LHX4: variants seen among roughly 807,000 people sequenced by gnomAD.
LHX4 encodes LIM/homeobox protein Lhx4.
A neutral mutation model predicts 39.2 loss-of-function variants in LHX4; 16 were observed. That is an observed-to-expected ratio of 0.41 (90% CI 0.28 to 0.62). The LOEUF is 0.62. Ranked by LOEUF, LHX4 falls within the 20% of genes least tolerant of loss-of-function variation. The pLI is 0.33. For missense variants in LHX4, 439 were observed against 511.9 expected (o/e 0.86, Z 1.37); for synonymous variants, 206 against 198.1 (o/e 1.04, Z -0.33).
At chr1:180,249,686 G>T (rs112286730) in intron 2 of LHX4, among the ~76,000 whole-genome samples, 7 of 152,328 alleles carry the variant, frequency 4.6e-5, no homozygotes, top group African/African-American at 1.4e-4. Flanking sequence ...TCTTCCCAAA[G>T]GTTTCACTAT....
Position 180,230,721 on chromosome 1 carries a change from C to A in LHX4, c.76+116C>A. On this transcript the variant is annotated intron_variant, in intron 1 of 5. Transcript: ENST00000263726. This position sits in a 1 kb window ranked among gnomAD's most constrained non-coding sequence, Gnocchi z 5.8. ...CCGGGAGGGGCTGGCGGCCGGGGCG[C>A]AGAGGCGGTCACAGGGCAGGGGCAC... The A allele has an allele frequency of 2.1e-6, 2 of 953,062 alleles. No individual in the cohort carries two copies. Among genetic ancestry groups the A allele is most frequent in the Non-Finnish European group, 3.3e-6 (2 of 603,584 alleles). The allele number at this position is 953,062 out of a possible 1,614,324, so 59.0% of individuals were successfully genotyped here.
In LHX4 at chr1:180,230,317, A is replaced by C. The variant is rs1664145881; in HGVS notation, c.-213A>C. On this transcript the variant is annotated 5_prime_UTR_variant, in exon 1 of 6. Transcript: ENST00000263726. This position sits in a 1 kb window ranked among gnomAD's most constrained non-coding sequence, Gnocchi z 5.8. ...GGATGTGCACCAACCCCGGAGAGCG[A>C]GATCAAAGGGACTGGAAACAGACTG... 1.6e-6 allele frequency: 1 copy of C among 610,640 alleles called. No homozygotes were observed. Among genetic ancestry groups the C allele is most frequent in the East Asian group, 2.8e-5 (1 of 35,592 alleles). The allele number at this position is 610,640 out of a possible 1,614,324, so 37.8% of individuals were successfully genotyped here.
At chr1:180,245,865 C>T (rs1434092653) in intron 1 of LHX4, among the ~76,000 whole-genome samples, 3 of 152,206 alleles carry the variant, frequency 2.0e-5, no homozygotes, top group African/African-American at 7.2e-5. Flanking sequence ...CACATTCCCA[C>T]CCCGTGTCCT....
intron 1 of LHX4, among the ~76,000 whole-genome samples, chr1:180,240,459 T>C (rs1664420860): frequency 6.6e-6 from 1 of 152,262 alleles, no homozygotes; most frequent in Admixed American, 6.5e-5. Flanking sequence ...AAATATATTT[T>C]AGAAGTCATT....
intron 2 of LHX4, among the ~76,000 whole-genome samples, chr1:180,262,432 T>C (rs1402525221): frequency 2.0e-5 from 3 of 152,160 alleles, no homozygotes; most frequent in Non-Finnish European, 2.9e-5. Flanking sequence ...TCCAAGTGCC[T>C]GAACAGAAGA....
intron 1 of LHX4, among the ~76,000 whole-genome samples, chr1:180,239,389 C>T (rs949557200): frequency 3.9e-5 from 6 of 152,332 alleles, no homozygotes; most frequent in African/African-American, 1.2e-4. Context: ...TCAAGAAAAA[C>T]ATTTGCATAC....
intron 2 of LHX4, among the ~76,000 whole-genome samples, chr1:180,252,306 C>T (rs1282797263): frequency 6.6e-6 from 1 of 152,130 alleles, no homozygotes; most frequent in Non-Finnish European, 1.5e-5. Context: ...CCTGGCTCAC[C>T]CTCGGCTATA....
chr1:180,253,399 C>T (rs1215855097), intron 2 of LHX4, among the ~76,000 whole-genome samples: 2 of 152,248 alleles, frequency 1.3e-5, no homozygotes, highest in African/African-American at 2.4e-5. Flanking sequence ...TCAAGTGTTG[C>T]CTGTCGGCAG....
At chr1:180,259,065 G>A (rs1393590959) in intron 2 of LHX4, among the ~76,000 whole-genome samples, 1 of 152,076 alleles carries the variant, frequency 6.6e-6, no homozygotes, top group African/African-American at 2.4e-5. Context: ...GGAGCCCAGG[G>A]GTCTGGGCTG....
intron 2 of LHX4, among the ~76,000 whole-genome samples, chr1:180,256,177 T>C (rs1029311365): frequency 1.3e-5 from 2 of 152,192 alleles, no homozygotes; most frequent in Non-Finnish European, 2.9e-5. Context: ...GTAACTTCTC[T>C]AATTGTGGTC....
rs1359871623 is a variant in LHX4, at chr1:180,232,918, A to G, written c.76+2313A>G. ...CCCTAGAGGAGGGGAGACAAAAGAA[A>G]CGCTCTCCCACAGGGGTCCCTCCAG... is the stretch of plus-strand genomic sequence containing the variant. On this transcript the variant is annotated intron_variant, in intron 1 of 5. Transcript: ENST00000263726. This position sits in a 1 kb window ranked among gnomAD's most constrained non-coding sequence, Gnocchi z 5.4. Among the ~76,000 whole-genome samples the G allele has an allele frequency of 6.6e-6, 1 of 152,142 alleles. No individual in the cohort carries two copies. The highest frequency in any genetic ancestry group is 6.5e-5 in the Admixed American group (1 of 15,282).
At chr1:180,254,243 G>C (rs1290770382) in intron 2 of LHX4, among the ~76,000 whole-genome samples, 1 of 152,194 alleles carries the variant, frequency 6.6e-6, no homozygotes, top group Admixed American at 6.5e-5. Flanking sequence ...GGGTCTCCCT[G>C]CCCCTGAGGC....
Position 180,266,733 on chromosome 1 carries a change from TC to T in LHX4, c.451+142del. 1.2e-6 allele frequency: 1 copy of T among 805,456 alleles called. No homozygotes were observed. The highest frequency in any genetic ancestry group is 2.1e-6 in the Non-Finnish European group (1 of 481,096). The allele number at this position is 805,456 out of a possible 1,614,324, so 49.9% of individuals were successfully genotyped here. ...CATGCACCGCCACCTCTGAGAAGCGTCCCAGATCTCCACACTGAGAGTAAAT... is the reference window on the plus strand; with the variant it reads ...CATGCACCGCCACCTCTGAGAAGCGTCCAGATCTCCACACTGAGAGTAAAT... On this transcript the variant is annotated intron_variant, in intron 3 of 5. Coordinates refer to ENST00000263726, the MANE Select transcript of LHX4 (RefSeq NM_033343.4). This position sits in a 1 kb window ranked among gnomAD's most constrained non-coding sequence, Gnocchi z 5.7.
chr1:180,259,333 A>G (rs901856028), intron 2 of LHX4, among the ~76,000 whole-genome samples: 3 of 152,094 alleles, frequency 2.0e-5, no homozygotes, highest in Non-Finnish European at 2.9e-5. Flanking sequence ...ATGCCTGTAC[A>G]TGGATGGAAG....
intron 3 of LHX4, among the ~76,000 whole-genome samples, chr1:180,268,548 T>C (rs1302489783): frequency 6.6e-6 from 1 of 152,226 alleles, no homozygotes; most frequent in East Asian, 1.9e-4. Flanking sequence ...GTTGTAGAAC[T>C]GGCTGACCCT....
At chr1:180,263,922 G>T (rs536080542) in intron 2 of LHX4, among the ~76,000 whole-genome samples, 1 of 152,110 alleles carries the variant, frequency 6.6e-6, no homozygotes, top group African/African-American at 2.4e-5. Flanking sequence ...TGCGTGGTTT[G>T]TTGGGAGGGT....
At chr1:180,269,707 CACT>C (rs1648515585) in intron 3 of LHX4, 1 of 152,224 alleles carries the variant, frequency 6.6e-6, no homozygotes, top group Admixed American at 6.5e-5. Context: ...TACACAAGTG[CACT>C]ATTTCCCATT....
intron 3 of LHX4, among the ~76,000 whole-genome samples, chr1:180,268,722 C>T (rs765500044): frequency 3.3e-5 from 5 of 152,118 alleles, no homozygotes; most frequent in Admixed American, 6.5e-5. Flanking sequence ...TTTAAAGCAG[C>T]GGAATGTTAC....
chr1:180,270,898 AGCG>A, intron 3 of LHX4: 1 of 238,608 alleles, frequency 4.2e-6, no homozygotes. Flanking sequence ...CTGTGAGCCC[AGCG>A]ACGCCAGGGC....
Sources: allele counts gnomAD v4.1 joint callset (sites outside exome capture counted in the v4.1 genomes callset), GRCh38; gene constraint gnomAD v4.1.1; non-coding constraint Gnocchi (gnomAD v3.1); transcripts MANE v1.5; gene names NCBI Gene and HGNC (gene_info 2026-07-23, HGNC 2026-07-21).